SORL1: variants seen among roughly 807,000 people sequenced by gnomAD.
SORL1 encodes the protein sortilin related receptor 1.
Under a neutral mutation model 273.7 loss-of-function variants are expected in SORL1, and 127 were observed. The ratio of observed to expected loss-of-function variants is 0.46; its 90% confidence interval spans 0.40 to 0.54. SORL1 has a LOEUF of 0.54. Ranked by LOEUF, SORL1 falls within the 20% of genes least tolerant of loss-of-function variation. The probability of loss-of-function intolerance (pLI) is 0.00; values close to 1 mark genes in which losing one functional copy is unlikely to be tolerated. For synonymous variants in SORL1, 1,031 were observed against 1,067.4 expected (o/e 0.97, Z 0.66); for missense variants, 2,494 against 2,846.1 (o/e 0.88, Z 2.81).
chr11:121,512,924 T>A, intron 6 of SORL1, 79 bp from the exon 7 acceptor site: 1 of 945,670 alleles, frequency 1.1e-6, no homozygotes, highest in South Asian at 1.4e-5. Flanking sequence ...AGAATCTGAC[T>A]CTTCTATTTT....
intron 45 of SORL1, among the ~76,000 whole-genome samples, chr11:121,623,199 G>C (rs1863747827): frequency 6.6e-6 from 1 of 152,200 alleles, no homozygotes; most frequent in Admixed American, 6.5e-5. Context: ...GTAAGCAAAA[G>C]GAGAAAAGTT....
intron 3 of SORL1, among the ~76,000 whole-genome samples, chr11:121,482,410 G>A (rs867754926): frequency 6.6e-6 from 1 of 152,204 alleles, no homozygotes; most frequent in South Asian, 2.1e-4. Context: ...AAAAAAGGCT[G>A]CCTTCTTGGA....
At chr11:121,541,164 TA>T (rs1343835281) in intron 12 of SORL1, among the ~76,000 whole-genome samples, 4 of 152,112 alleles carry the variant, frequency 2.6e-5, no homozygotes, top group Admixed American at 2.6e-4. Flanking sequence ...CTTGTAACCC[TA>T]CCAGTTGGTT....
chr11:121,556,545 G>A (rs1042202777), intron 18 of SORL1, among the ~76,000 whole-genome samples: 1 of 152,148 alleles, frequency 6.6e-6, no homozygotes, highest in Non-Finnish European at 1.5e-5. Flanking sequence ...CTTGGCTAGG[G>A]GCTAAAAGAA....
rs1259606507 is a variant in SORL1 at position 121,595,907 on chromosome 11, C to T, written c.4519+135C>T. 3.2e-6 allele frequency: 3 copies of T among 928,604 alleles called. No individual in the cohort carries two copies. In the African/African-American group the frequency reaches 5.0e-5, roughly 15 times the overall value. 57.5% of individuals were successfully genotyped at this position (928,604 alleles called of 1,614,324 possible). On this transcript the variant is annotated intron_variant, in intron 32 of 47. Transcript: ENST00000260197. This position sits in a 1 kb window ranked among gnomAD's most constrained non-coding sequence, Gnocchi z 5.1. ...TACTTGCGTAACCATGCTCTTACTG[C>T]ATTCTCCACAAGCGCTTTGCCACGT...
chr11:121,626,104 A>C (rs1037041693), intron 46 of SORL1: 6 of 152,184 alleles, frequency 3.9e-5, no homozygotes, highest in African/African-American at 1.4e-4. Context: ...TCCTACAAAA[A>C]CCAGCCCAAC....
At chr11:121,577,144 A>T in intron 24 of SORL1, 137 bp from the exon 25 acceptor site, 1 of 1,240,916 alleles carries the variant, frequency 8.1e-7, no homozygotes, top group Non-Finnish European at 1.1e-6. Flanking sequence ...CCCTGGTAAA[A>T]GTCTCTTCGT....
intron 5 of SORL1, among the ~76,000 whole-genome samples, chr11:121,492,591 A>C (rs1385468698): frequency 2.0e-5 from 3 of 152,142 alleles, no homozygotes; most frequent in Admixed American, 6.6e-5. Context: ...AGTTTTGTGC[A>C]CTGATATATC....
chr11:121,486,519 G>A (rs545349849), intron 3 of SORL1, among the ~76,000 whole-genome samples: 2 of 144,336 alleles, frequency 1.4e-5, no homozygotes, highest in East Asian at 2.0e-4. Flanking sequence ...TCACTCTGTC[G>A]CCCAGGCTGG....
intron 1 of SORL1, among the ~76,000 whole-genome samples, chr11:121,469,118 C>T (rs545537809): frequency 3.3e-4 from 50 of 152,332 alleles, no homozygotes; most frequent in East Asian, 2.9e-3. Context: ...CTTCCGTCTT[C>T]GGCTCTGCCC....
chr11:121,612,595 T>C (rs1487000976), intron 39 of SORL1, 141 bp from the exon 40 acceptor site: 1 of 610,290 alleles, frequency 1.6e-6, no homozygotes, highest in East Asian at 2.9e-5. Flanking sequence ...TGTTTAAAAT[T>C]TTTAAAAAAC....
Position 121,590,764 on chromosome 11 carries a change from C to T in SORL1, c.4214-237C>T, listed in dbSNP as rs1371193401. 4.4e-5 allele frequency: 32 copies of T among 727,118 alleles called. 1 individual carries two copies. The Middle Eastern group carries it at 6.8e-4, about 16-fold the overall frequency. 45.0% of individuals were successfully genotyped at this position (727,118 alleles called of 1,614,324 possible). A position where few individuals can be genotyped will look rare whatever the true frequency, so the allele number is the denominator to read the frequency against. On this transcript the variant is annotated intron_variant, in intron 30 of 47. Coordinates refer to ENST00000260197, the MANE Select transcript of SORL1 (RefSeq NM_003105.6). ...AAAGCAAACTTATCTGAATATTAAC[C>T]GAAATCAAATATAGTAAGGGAAATC...
intron 14 of SORL1, among the ~76,000 whole-genome samples, chr11:121,549,530 A>G (rs959482989): frequency 3.9e-5 from 6 of 152,172 alleles, no homozygotes; most frequent in Admixed American, 3.3e-4. Context: ...CCCGGCCCCA[A>G]ATAATTTTTT....
At chr11:121,567,672 C>T (rs1862773727) in intron 22 of SORL1, among the ~76,000 whole-genome samples, 1 of 152,204 alleles carries the variant, frequency 6.6e-6, no homozygotes. Context: ...GCCTTACACC[C>T]ACTCCCCCTC....
At chr11:121,457,733 G>A (rs1860930562) in intron 1 of SORL1, among the ~76,000 whole-genome samples, 1 of 152,208 alleles carries the variant, frequency 6.6e-6, no homozygotes, top group Non-Finnish European at 1.5e-5. Flanking sequence ...AGAGATGCTG[G>A]AGCACAGTTC....
Position 121,555,221 on chromosome 11 carries a change from T to C in SORL1, c.2474T>C (p.Val825Ala). The change falls in exon 18 of 48, where the codon GTG (valine) becomes GCG (alanine). Residue 825 changes from valine (V) to alanine (A), a missense_variant. By Grantham distance (64) the Val-to-Ala change is moderately conservative. Transcript: ENST00000260197. Reference sequence around the variant, plus strand: ...TTGAATGGAAGCACAGGGCAAGAGGTGATCATCAATTCTGGCCTGGAGACA... The same window carrying C: ...TTGAATGGAAGCACAGGGCAAGAGGCGATCATCAATTCTGGCCTGGAGACA... ...LCLNGSTGQEVIINSGLETVE... is the reference protein window; with the variant it reads ...LCLNGSTGQEAIINSGLETVE... 2 of 1,614,076 alleles carry C rather than the reference T, an allele frequency of 1.2e-6. No individual in the cohort carries two copies. The highest frequency in any genetic ancestry group is 2.2e-5 in the South Asian group (2 of 91,078).
intron 11 of SORL1, among the ~76,000 whole-genome samples, chr11:121,524,166 C>T (rs988220695): frequency 2.6e-5 from 4 of 152,230 alleles, no homozygotes; most frequent in Non-Finnish European, 4.4e-5. Flanking sequence ...TGTGCAGCTC[C>T]CAAGGGAAGA....
At chr11:121,541,967 G>A (rs1018895019) in intron 12 of SORL1, among the ~76,000 whole-genome samples, 3 of 152,244 alleles carry the variant, frequency 2.0e-5, no homozygotes, top group East Asian at 3.9e-4. Context: ...CTAAGACCAC[G>A]GGAAAGTTGG....
chr11:121,617,550 T>A (rs1269964791), intron 41 of SORL1, among the ~76,000 whole-genome samples: 1 of 152,194 alleles, frequency 6.6e-6, no homozygotes, highest in African/African-American at 2.4e-5. Context: ...AAAGTCACCC[T>A]GTTGCCTGGG....
Sources: allele counts gnomAD v4.1 joint callset (sites outside exome capture counted in the v4.1 genomes callset), GRCh38; gene constraint gnomAD v4.1.1; non-coding constraint Gnocchi (gnomAD v3.1); transcripts MANE v1.5; gene names NCBI Gene and HGNC (gene_info 2026-07-23, HGNC 2026-07-21).